ZBTB7C: variants seen among roughly 807,000 people sequenced by gnomAD.
ZBTB7C encodes zinc finger and BTB domain-containing protein 7C.
In ZBTB7C, 8 loss-of-function variants were observed where a neutral mutation model predicts 25.7. That is an observed-to-expected ratio of 0.31 (90% CI 0.18 to 0.56). The LOEUF (loss-of-function observed/expected upper bound fraction) is 0.56, where lower values mean the gene tolerates loss of function less well. Among genes scored for constraint, ZBTB7C ranks in the 20% least tolerant of loss-of-function variants. The pLI is 0.91. For synonymous variants in ZBTB7C, 394 were observed against 369.0 expected (o/e 1.07, Z -0.78); for missense variants, 824 against 855.2 (o/e 0.96, Z 0.46).
intron 3 of ZBTB7C, among the ~76,000 whole-genome samples, chr18:48,105,688 C>CA (rs1175681726): frequency 2.0e-5 from 3 of 151,606 alleles, no homozygotes; most frequent in Non-Finnish European, 4.4e-5. Flanking sequence ...AAAAACAAAA[C>CA]AAAAAAAAGG....
chr18:48,216,485 A>C (rs563222694), intron 2 of ZBTB7C, among the ~76,000 whole-genome samples: 1 of 152,214 alleles, frequency 6.6e-6, no homozygotes, highest in South Asian at 2.1e-4. Flanking sequence ...AGTTGAGGGA[A>C]GAGAGATCTA....
chr18:48,312,317 A>C (rs1236836459), intron 2 of ZBTB7C, among the ~76,000 whole-genome samples: 2 of 152,116 alleles, frequency 1.3e-5, no homozygotes, highest in African/African-American at 4.8e-5. Flanking sequence ...ACCTACCCCG[A>C]ACCCCAGAAG....
intron 3 of ZBTB7C, among the ~76,000 whole-genome samples, chr18:48,161,700 G>GGCCCGGCCCGGGCGCCCCGCCCC (rs1555703711): frequency 0.062 from 9,092 of 146,174 alleles, 326 homozygotes; most frequent in African/African-American, 0.084. Flanking sequence ...TGCCCGGCCC[G>GGCCCGGCCCGGGCGCCCCGCCCC]GCCCGGCCCG....
chr18:48,272,134 G>A (rs953263083), intron 2 of ZBTB7C, among the ~76,000 whole-genome samples: 4 of 152,232 alleles, frequency 2.6e-5, no homozygotes, highest in African/African-American at 9.6e-5. Context: ...ACTTCTGGGT[G>A]TGTCATGTGT....
intron 2 of ZBTB7C, among the ~76,000 whole-genome samples, chr18:48,289,741 G>A (rs2045165285): frequency 6.6e-6 from 1 of 152,042 alleles, no homozygotes; most frequent in Non-Finnish European, 1.5e-5. Flanking sequence ...ACACAGACAT[G>A]GACCTTTGGG....
intron 2 of ZBTB7C, among the ~76,000 whole-genome samples, chr18:48,337,753 T>C (rs1432249663): frequency 6.6e-6 from 1 of 152,198 alleles, no homozygotes; most frequent in East Asian, 1.9e-4. Flanking sequence ...GGTCTCCAGG[T>C]CTATTCCTCA....
At chr18:48,234,052 A>G (rs1256751789) in intron 2 of ZBTB7C, among the ~76,000 whole-genome samples, 2 of 152,106 alleles carry the variant, frequency 1.3e-5, no homozygotes, top group South Asian at 2.1e-4. Flanking sequence ...TCACAACCCA[A>G]TAGCCTCAGT....
At chr18:48,203,082 T>A (rs945524542) in intron 2 of ZBTB7C, among the ~76,000 whole-genome samples, 3 of 152,212 alleles carry the variant, frequency 2.0e-5, no homozygotes, top group Non-Finnish European at 4.4e-5. Flanking sequence ...TGTCAGGCCC[T>A]CTGTTGAGCA....
At position 48,143,459 on chromosome 18, in the gene ZBTB7C, T is replaced by C. The variant is rs9963321; in HGVS notation, c.-17+42475A>G. On this transcript the variant is annotated intron_variant, in intron 3 of 4. Coordinates refer to ENST00000590800, the MANE Select transcript of ZBTB7C (RefSeq NM_001318841.2). ...TAGGACAAACAACTAATTCACCTTA[T>C]ATTAAATTACCACTTACTGTGTGCA... Among the ~76,000 whole-genome samples the C allele has an allele frequency of 8.7e-3, 1,325 of 152,286 alleles. 25 individuals are homozygous for C. The highest frequency in any genetic ancestry group is 0.03 in the African/African-American group (1,226 of 41,546).
At chr18:48,067,034 G>T (rs1161832699) in intron 3 of ZBTB7C, among the ~76,000 whole-genome samples, 1 of 152,148 alleles carries the variant, frequency 6.6e-6, no homozygotes, top group East Asian at 1.9e-4. Context: ...CCCAGGAGGT[G>T]GAGGTTGCAG....
At chr18:48,200,904 G>A (rs2042429066) in intron 2 of ZBTB7C, among the ~76,000 whole-genome samples, 1 of 152,194 alleles carries the variant, frequency 6.6e-6, no homozygotes, top group Non-Finnish European at 1.5e-5. Flanking sequence ...CACTCACTGT[G>A]GGGAGAAGCT....
chr18:48,194,606 G>A (rs886619602), intron 2 of ZBTB7C, among the ~76,000 whole-genome samples: 1 of 152,148 alleles, frequency 6.6e-6, no homozygotes, highest in African/African-American at 2.4e-5. Context: ...TAGGGGTGAA[G>A]GGCAGTCTAG....
chr18:48,111,911 C>G (rs761535750), intron 3 of ZBTB7C, among the ~76,000 whole-genome samples: 4 of 152,136 alleles, frequency 2.6e-5, no homozygotes, highest in Non-Finnish European at 5.9e-5. Context: ...AATTCTACTT[C>G]TCATTGTTTA....
At chr18:48,384,922 TC>T (rs59626958) in intron 1 of ZBTB7C, among the ~76,000 whole-genome samples, 3,697 of 152,288 alleles carry the variant, frequency 0.024, 143 homozygotes, top group African/African-American at 0.085. Flanking sequence ...ACTCTAGTGA[TC>T]CACCTGCCTC....
At chr18:48,125,148 C>CT (rs1344684013) in intron 3 of ZBTB7C, among the ~76,000 whole-genome samples, 1 of 152,246 alleles carries the variant, frequency 6.6e-6, no homozygotes, top group Non-Finnish European at 1.5e-5. Flanking sequence ...TTCTCATCAG[C>CT]TCAGAGGACA....
chr18:48,136,509 C>T (rs1042456580), intron 3 of ZBTB7C, among the ~76,000 whole-genome samples: 2 of 152,154 alleles, frequency 1.3e-5, no homozygotes, highest in Non-Finnish European at 2.9e-5. Flanking sequence ...TGGCTTTTGT[C>T]CCCCCTCCCT....
At chr18:48,205,628 G>C (rs1321383564) in intron 2 of ZBTB7C, among the ~76,000 whole-genome samples, 1 of 151,818 alleles carries the variant, frequency 6.6e-6, no homozygotes, top group Admixed American at 6.6e-5. Context: ...AGTCATCTAT[G>C]GTGAGTAAAC....
At chr18:48,208,435 T>C (rs573357519) in intron 2 of ZBTB7C, among the ~76,000 whole-genome samples, 24 of 152,204 alleles carry the variant, frequency 1.6e-4, no homozygotes, top group African/African-American at 5.3e-4. Flanking sequence ...TTGGTTTTTT[T>C]CCTTTTTAAA....
chr18:48,295,471 G>A (rs1203641992), intron 2 of ZBTB7C, among the ~76,000 whole-genome samples: 10 of 152,170 alleles, frequency 6.6e-5, no homozygotes, highest in Admixed American at 2.6e-4. Flanking sequence ...ATCCAGTGGC[G>A]TTGGGCGCTA....
Sources: allele counts gnomAD v4.1 joint callset (sites outside exome capture counted in the v4.1 genomes callset), GRCh38; gene constraint gnomAD v4.1.1; transcripts MANE v1.5; gene names NCBI Gene and HGNC (gene_info 2026-07-23, HGNC 2026-07-21).